CDKL5: variants seen among roughly 807,000 people sequenced by gnomAD.
CDKL5 encodes cyclin-dependent kinase-like 5.
In CDKL5, 8 loss-of-function variants were observed where a neutral mutation model predicts 61.7. That is an observed-to-expected ratio of 0.13 (90% CI 0.08 to 0.23). The LOEUF is 0.23. Ranked by LOEUF, CDKL5 falls within the 10% of genes least tolerant of loss-of-function variation. The pLI is 1.00. For synonymous variants in CDKL5, 275 were observed against 272.3 expected (o/e 1.01, Z -0.10); for missense variants, 440 against 734.5 (o/e 0.60, Z 4.63).
At chrX:18,484,916 G>T (rs772863795) in intron 1 of CDKL5, among the ~76,000 whole-genome samples, 2 of 109,868 alleles carry the variant, frequency 1.8e-5, no homozygotes, top group African/African-American at 6.6e-5. Flanking sequence ...ATACCACCAT[G>T]CCCGGCTGAC....
intron 1 of CDKL5, among the ~76,000 whole-genome samples, chrX:18,481,729 A>G (rs1165757759): frequency 1.8e-5 from 2 of 109,536 alleles, no homozygotes; most frequent in African/African-American, 6.7e-5. Flanking sequence ...GTGCTAATGA[A>G]TCTTTCATTT....
Position 18,603,983 on chromosome X carries a change from G to T in CDKL5, c.1059G>T (p.Leu353=). The part of the protein sequence containing the change: ...SKDIQNLSVG[L]PRADEGLPAN... The stretch of plus-strand genomic sequence containing the variant: ...ACATCCAGAACCTGAGTGTAGGCCT[G>T]CCCCGGGCTGACGAAGGTCTCCCTG... Residue 353 remains leucine, a synonymous_variant, in exon 12 of 18, where the codon CTG becomes CTT. Transcript: ENST00000623535. 1 of 1,210,831 alleles carries T rather than the reference G, an allele frequency of 8.3e-7. No individual in the cohort carries two copies. The highest frequency in any genetic ancestry group is 1.1e-6 in the Non-Finnish European group (1 of 895,066).
chrX:18,518,399 T>A (rs868091114), intron 3 of CDKL5, among the ~76,000 whole-genome samples: 1 of 58,032 alleles, frequency 1.7e-5, no homozygotes, highest in African/African-American at 7.0e-5. Flanking sequence ...TTTTTTTTTT[T>A]TTTTTTTTTT....
intron 6 of CDKL5, 61 bp downstream of exon 6, chrX:18,580,029 C>G (rs1056305920): frequency 4.2e-6 from 4 of 945,097 alleles, no homozygotes; most frequent in Non-Finnish European, 6.1e-6. Context: ...AAGAGTATTT[C>G]ACATGTTACT....
chrX:18,650,253 C>T lies in CDKL5; in HGVS notation c.2798-157C>T, dbSNP rs1206175600. The T allele has an allele frequency of 1.3e-5, 7 of 523,247 alleles. No homozygotes were observed. In the African/African-American group the frequency reaches 1.4e-4, roughly 10 times the overall value. The allele number at this position is 523,247 out of a possible 1,213,427, so 43.1% of individuals were successfully genotyped here. On this transcript the variant is annotated intron_variant, in intron 20 of 21. Coordinates refer to the CDKL5 transcript ENST00000379989. ...AGCAGAGAATGTGTGGCTCACTCTG[C>T]GATCTAAAGACCCGTGTGTCCAGAC...
At chrX:18,615,234 TTTCC>T (rs1227131417) in intron 15 of CDKL5, among the ~76,000 whole-genome samples, 1 of 111,916 alleles carries the variant, frequency 8.9e-6, no homozygotes, top group Non-Finnish European at 1.9e-5. Context: ...CTATGACGTA[TTTCC>T]TTCCTTCATC....
chrX:18,529,184 CTT>C (rs771617035), intron 3 of CDKL5, among the ~76,000 whole-genome samples: 1 of 90,149 alleles, frequency 1.1e-5, no homozygotes, highest in Non-Finnish European at 2.2e-5. Context: ...CTTGTTTTTA[CTT>C]TTTTTTTTTT....
rs1449566198 is a variant in CDKL5 at position 18,541,038 on chromosome X, T to C, written c.100-23439T>C. Reference sequence around the variant, plus strand: ...AATTGTGCTGTTTCCTTTTAGCCTCTGTGGTTACTGATGAGAATACACTGT... The same window carrying C: ...AATTGTGCTGTTTCCTTTTAGCCTCCGTGGTTACTGATGAGAATACACTGT... On this transcript the variant is annotated intron_variant, in intron 3 of 17. Coordinates refer to ENST00000623535, the MANE Select transcript of CDKL5 (RefSeq NM_001323289.2). 5.4e-5 allele frequency among the ~76,000 whole-genome samples: 6 copies of C among 112,120 alleles called. No homozygotes were observed. The Admixed American group carries it at 5.7e-4, about 11-fold the overall frequency.
At chrX:18,511,209 G>A (rs1259882389) in intron 3 of CDKL5, among the ~76,000 whole-genome samples, 1 of 111,824 alleles carries the variant, frequency 8.9e-6, no homozygotes, top group Non-Finnish European at 1.9e-5. Flanking sequence ...CAAAGTTTTG[G>A]ATTTTGGAGC....
In CDKL5 at chrX:18,475,174, G is replaced by A. The variant is rs763091604; in HGVS notation, c.-162-31761G>A. Among the ~76,000 whole-genome samples the A allele has an allele frequency of 2.7e-5, 3 of 110,777 alleles. No individual in the cohort carries two copies. In the South Asian group the frequency reaches 1.1e-3, roughly 42 times the overall value. On this transcript the variant is annotated intron_variant, in intron 1 of 17. Coordinates refer to ENST00000623535, the MANE Select transcript of CDKL5 (RefSeq NM_001323289.2). ...GGGTTTCACCATGTTGGCCAGGCTG[G>A]CCTCAAACTCCTGACCTCACGTGAT... is the stretch of plus-strand genomic sequence containing the variant.
intron 1 of CDKL5, among the ~76,000 whole-genome samples, chrX:18,450,474 C>T (rs1311096240): frequency 8.9e-6 from 1 of 111,921 alleles, no homozygotes. Flanking sequence ...AACCCTTGTT[C>T]GATGAAGGAC....
chrX:18,549,576 C>T (rs912667575), intron 3 of CDKL5, among the ~76,000 whole-genome samples: 3 of 111,539 alleles, frequency 2.7e-5, no homozygotes, highest in Non-Finnish European at 5.6e-5. Flanking sequence ...TATCATGTCC[C>T]CAGGAAAGAG....
chrX:18,468,920 C>G (rs1038967468), intron 1 of CDKL5, among the ~76,000 whole-genome samples: 1 of 111,136 alleles, frequency 9.0e-6, no homozygotes, highest in African/African-American at 3.3e-5. Context: ...TATAGAATAC[C>G]TAATGTCACA....
At chrX:18,529,637 G>C in intron 3 of CDKL5, among the ~76,000 whole-genome samples, 1 of 110,372 alleles carries the variant, frequency 9.1e-6, no homozygotes, top group Non-Finnish European at 1.9e-5. Flanking sequence ...CTTTGAGGTA[G>C]AGTTTTTTTT....
chrX:18,477,703 G>T (rs1921370729), intron 1 of CDKL5, among the ~76,000 whole-genome samples: 1 of 111,155 alleles, frequency 9.0e-6, no homozygotes, highest in Non-Finnish European at 1.9e-5. Flanking sequence ...GTAAGATATA[G>T]AAACCGTTCC....
chrX:18,572,204 G>A (rs1002380292), intron 4 of CDKL5, among the ~76,000 whole-genome samples: 1 of 111,662 alleles, frequency 9.0e-6, no homozygotes, highest in Non-Finnish European at 1.9e-5. Context: ...AAAGTTGCAT[G>A]GTGTACTGTT....
chrX:18,438,157 C>T (rs1274814200), intron 1 of CDKL5, among the ~76,000 whole-genome samples: 3 of 111,140 alleles, frequency 2.7e-5, no homozygotes. Flanking sequence ...CCTCCGCCTC[C>T]CGAGTTCAAG....
At chrX:18,621,928 T>G (rs1411992476) in intron 16 of CDKL5, among the ~76,000 whole-genome samples, 1 of 112,263 alleles carries the variant, frequency 8.9e-6, no homozygotes, top group Non-Finnish European at 1.9e-5. Context: ...GCGTTAAACT[T>G]TGGCTACCTC....
chrX:18,490,516 G>T, intron 1 of CDKL5, among the ~76,000 whole-genome samples: 1 of 110,673 alleles, frequency 9.0e-6, no homozygotes, highest in Non-Finnish European at 1.9e-5. Flanking sequence ...GCTTACAAAT[G>T]GAAACGTACC....
Sources: gnomAD v4.1 joint callset for allele counts (sites outside exome capture counted in the v4.1 genomes callset) on GRCh38, gnomAD v4.1.1 for gene constraint, MANE v1.5 for transcripts, NCBI Gene and HGNC (gene_info 2026-07-23, HGNC 2026-07-21) for gene names.